Variants in ATXN7L1 observed in about 807,000 individuals in gnomAD.
The protein encoded by ATXN7L1 is ataxin 7 like 1, also known as ataxin-7-like protein 1.
A neutral mutation model predicts 70.8 loss-of-function variants in ATXN7L1; 15 were observed. That is an observed-to-expected ratio of 0.21 (90% confidence interval 0.14 to 0.33). The LOEUF (loss-of-function observed/expected upper bound fraction) is 0.33. Ranked by LOEUF, ATXN7L1 falls within the 10% of genes least tolerant of loss-of-function variation. The pLI, the probability that ATXN7L1 is intolerant of heterozygous loss-of-function variation, is 1.00. For missense variants in ATXN7L1, 975 were observed against 1,097.1 expected (o/e 0.89, Z 1.57); for synonymous variants, 440 against 445.1 (o/e 0.99, Z 0.14).
chr7:105,675,225 G>T (rs1035335112), intron 3 of ATXN7L1, among the ~76,000 whole-genome samples: 5 of 152,144 alleles, frequency 3.3e-5, no homozygotes, highest in Admixed American at 3.3e-4. Context: ...ACAGGTAAGA[G>T]AGTTATCTCA....
intron 2 of ATXN7L1, among the ~76,000 whole-genome samples, chr7:105,828,387 G>A (rs1811156732): frequency 6.6e-6 from 1 of 152,132 alleles, no homozygotes; most frequent in Admixed American, 6.5e-5. Context: ...CCCAAGGCGT[G>A]GAGTTGTCCA....
At chr7:105,618,031 C>T (rs1378284908) in intron 9 of ATXN7L1, 5 of 456,594 alleles carry the variant, frequency 1.1e-5, no homozygotes, top group Admixed American at 4.7e-5. Flanking sequence ...TCAGTGACAG[C>T]AGATTGGTTA....
At position 105,605,483 on chromosome 7, in the gene ATXN7L1, G is replaced by GGT. The variant is rs1280933116; in HGVS notation, c.*2368_*2369insAC. On this transcript the variant is annotated 3_prime_UTR_variant, in exon 12 of 12. Coordinates refer to ENST00000419735, the MANE Select transcript of ATXN7L1 (RefSeq NM_020725.2). ...GCAGCATTCGATGAGGGTGGGGGGG[G>GGT]GGGTGGGGGCTCTTTATTCCAGCTT... 1.0e-5 allele frequency: 1 copy of GGT among 96,060 alleles called. No homozygotes were observed. The highest frequency in any genetic ancestry group is 2.2e-5 in the Non-Finnish European group (1 of 45,680). The allele number at this position is 96,060 out of a possible 1,614,324, so 6.0% of individuals were successfully genotyped here.
intron 2 of ATXN7L1, among the ~76,000 whole-genome samples, chr7:105,846,308 T>C (rs1319930364): frequency 6.6e-6 from 1 of 151,894 alleles, no homozygotes; most frequent in East Asian, 1.9e-4. Context: ...ACCCTGTCTC[T>C]AAAAGAAATA....
chr7:105,862,037 A>G (rs750792151), intron 2 of ATXN7L1, among the ~76,000 whole-genome samples: 25 of 152,196 alleles, frequency 1.6e-4, no homozygotes, highest in Non-Finnish European at 2.6e-4. Context: ...GAAGGGCACA[A>G]TGATGGAAGG....
rs1809722773 is a variant in ATXN7L1 at position 105,819,390 on chromosome 7, A to G, written c.251-30682T>C. ...AATCTGTATATGCTGGATATTTAAC[A>G]ATAAAAAATTTAAAATTAGAGCAAA... On this transcript the variant is annotated intron_variant, in intron 2 of 11. Transcript: ENST00000419735. 9.8e-6 allele frequency: 5 copies of G among 508,096 alleles called. No homozygotes were observed. The South Asian group carries it at 1.0e-4, about 10-fold the overall frequency. 31.5% of individuals were successfully genotyped at this position (508,096 alleles called of 1,614,324 possible).
chr7:105,696,935 G>T (rs964905807), intron 3 of ATXN7L1, among the ~76,000 whole-genome samples: 4 of 152,168 alleles, frequency 2.6e-5, no homozygotes, highest in African/African-American at 9.7e-5. Context: ...ATCACACGTT[G>T]GTAGGATCCG....
intron 8 of ATXN7L1, among the ~76,000 whole-genome samples, chr7:105,623,656 G>A (rs1341076928): frequency 1.3e-5 from 2 of 152,144 alleles, no homozygotes; most frequent in African/African-American, 4.8e-5. Flanking sequence ...CCCCTGACAC[G>A]CTGCTAAGAC....
intron 4 of ATXN7L1, among the ~76,000 whole-genome samples, chr7:105,649,995 A>C (rs1214297225): frequency 6.6e-6 from 1 of 152,224 alleles, no homozygotes; most frequent in Non-Finnish European, 1.5e-5. Flanking sequence ...CCAAGCAGTG[A>C]TAGCATTAAG....
At chr7:105,740,990 T>A (rs1797966287) in intron 3 of ATXN7L1, among the ~76,000 whole-genome samples, 1 of 152,002 alleles carries the variant, frequency 6.6e-6, no homozygotes, top group Admixed American at 6.6e-5. Context: ...GGTCTCGATC[T>A]CCTGACCTCG....
At chr7:105,710,170 A>G (rs936529231) in intron 3 of ATXN7L1, among the ~76,000 whole-genome samples, 6 of 152,300 alleles carry the variant, frequency 3.9e-5, no homozygotes, top group South Asian at 2.1e-4. Context: ...TCTTAAAACA[A>G]CCAGGGATGA....
chr7:105,804,740 C>A (rs1468118693), intron 2 of ATXN7L1, among the ~76,000 whole-genome samples: 4 of 152,166 alleles, frequency 2.6e-5, no homozygotes, highest in Non-Finnish European at 4.4e-5. Context: ...TTCATTGAAT[C>A]CTCACAGCAG....
At chr7:105,869,834 T>A (rs2392640) in intron 2 of ATXN7L1, among the ~76,000 whole-genome samples, 1 of 152,084 alleles carries the variant, frequency 6.6e-6, no homozygotes, top group African/African-American at 2.4e-5. Context: ...ATAAAACAAC[T>A]TATCGATCAT....
At chr7:105,619,139 A>AGT (rs1794369695) in intron 9 of ATXN7L1, among the ~76,000 whole-genome samples, 2 of 23,578 alleles carry the variant, frequency 8.5e-5, no homozygotes, top group African/African-American at 2.6e-4. Context: ...TGAAATCTTT[A>AGT]GTTTTTTTTT....
At chr7:105,782,460 C>A (rs1406085966) in intron 3 of ATXN7L1, among the ~76,000 whole-genome samples, 1 of 152,182 alleles carries the variant, frequency 6.6e-6, no homozygotes, top group Admixed American at 6.5e-5. Context: ...GGAAGCCATC[C>A]CTAATGGGGT....
At chr7:105,837,434 T>A (rs558047327) in intron 2 of ATXN7L1, among the ~76,000 whole-genome samples, 33 of 150,214 alleles carry the variant, frequency 2.2e-4, no homozygotes, top group African/African-American at 6.6e-4. Flanking sequence ...ATCCCTGCTT[T>A]GGAGAAGTTA....
intron 4 of ATXN7L1, among the ~76,000 whole-genome samples, chr7:105,643,413 T>G (rs1798539123): frequency 6.6e-6 from 1 of 152,168 alleles, no homozygotes; most frequent in African/African-American, 2.4e-5. Flanking sequence ...CCGGGCCCTA[T>G]AGGTTGGCCA....
intron 2 of ATXN7L1, among the ~76,000 whole-genome samples, chr7:105,790,486 T>C (rs1585012383): frequency 6.6e-6 from 1 of 151,702 alleles, no homozygotes; most frequent in Admixed American, 6.6e-5. Flanking sequence ...GGGGCTAAGG[T>C]AGGAGAGTTG....
Position 105,619,140 on chromosome 7 carries a change from GT to G in ATXN7L1, c.1517+1059del, listed in dbSNP as rs1191774371. On this transcript the variant is annotated intron_variant, in intron 9 of 11. Coordinates refer to ENST00000419735, the MANE Select transcript of ATXN7L1 (RefSeq NM_020725.2). ...GTCCACAACCATAATGAAATCTTTA[GT>G]TTTTTTTTTTTTTTTTTTTTTTTTG... 4.8e-3 allele frequency among the ~76,000 whole-genome samples: 238 copies of G among 49,808 alleles called. 3 individuals carry two copies. Among genetic ancestry groups the G allele is most frequent in the African/African-American group, 0.018 (220 of 12,192 alleles). The allele number at this position is 49,808 out of a possible 152,430, so 32.7% of individuals were successfully genotyped here.
Sources: allele counts gnomAD v4.1 joint callset (sites outside exome capture counted in the v4.1 genomes callset), GRCh38; gene constraint gnomAD v4.1.1; transcripts MANE v1.5; gene names NCBI Gene and HGNC (gene_info 2026-07-23, HGNC 2026-07-21).